SLC1A1: variants seen among roughly 807,000 people sequenced by gnomAD.
SLC1A1 encodes excitatory amino acid transporter 3.
Under a neutral mutation model 53.3 loss-of-function variants are expected in SLC1A1, and 43 were observed. The observed-to-expected ratio is 0.81, with a 90% CI of 0.63 to 1.04. The LOEUF (loss-of-function observed/expected upper bound fraction) is 1.04, where lower values mean the gene tolerates loss of function less well. Ranked by LOEUF, SLC1A1 falls within the 50% of genes least tolerant of loss-of-function variation. The pLI, the probability that SLC1A1 is intolerant of heterozygous loss-of-function variation, is 0.00. For synonymous variants in SLC1A1, 307 were observed against 243.2 expected, an observed-to-expected ratio of 1.26 and a Z score of -2.44; for missense variants, 748 against 664.9, an observed-to-expected ratio of 1.12 and a Z score of -1.37.
At chr9:4,550,464 C>T (rs965188224) in intron 2 of SLC1A1, among the ~76,000 whole-genome samples, 2 of 152,144 alleles carry the variant, frequency 1.3e-5, no homozygotes, top group African/African-American at 2.4e-5. Flanking sequence ...CAGTATAGCT[C>T]ACTGTAGTCT....
In SLC1A1 at chr9:4,576,167, G is replaced by A. The variant is rs301429; in HGVS notation, c.998+44G>A. 9.2e-3 allele frequency: 14,653 copies of A among 1,591,684 alleles called. 1,080 individuals carry two copies. The African/African-American group carries it at 0.17, about 18-fold the overall frequency. ...TCTGGAAGAAGCCTCCAGGCTCAAC[G>A]TTATCAACTCTCACCTCACTTTACA... On this transcript the variant is annotated intron_variant, in intron 9 of 11. Coordinates refer to ENST00000262352, the MANE Select transcript of SLC1A1 (RefSeq NM_004170.6).
intron 1 of SLC1A1, among the ~76,000 whole-genome samples, chr9:4,517,329 G>A (rs567223188): frequency 4.6e-5 from 7 of 152,268 alleles, no homozygotes; most frequent in African/African-American, 1.4e-4. Flanking sequence ...TGGGGTGGCC[G>A]TTCCTATAGA....
intron 1 of SLC1A1, among the ~76,000 whole-genome samples, chr9:4,514,083 C>A (rs1333664883): frequency 6.6e-6 from 1 of 152,106 alleles, no homozygotes; most frequent in African/African-American, 2.4e-5. Flanking sequence ...AGCTCTTTGG[C>A]GTGATGGAGC....
At chr9:4,545,588 T>A (rs1282474828) in intron 2 of SLC1A1, among the ~76,000 whole-genome samples, 1 of 152,238 alleles carries the variant, frequency 6.6e-6, no homozygotes, top group Non-Finnish European at 1.5e-5. Flanking sequence ...TTACCCACTT[T>A]CTACTCAAAG....
intron 1 of SLC1A1, among the ~76,000 whole-genome samples, 185 bp downstream of exon 1, chr9:4,490,955 G>A (rs1171352957): frequency 2.0e-5 from 3 of 152,210 alleles, no homozygotes; most frequent in Non-Finnish European, 4.4e-5. Flanking sequence ...TGCACACCAA[G>A]AACAAAGCTC....
chr9:4,567,630 T>G (rs574019394), intron 5 of SLC1A1, 39 bp from the exon 6 acceptor site: 32 of 1,416,384 alleles, frequency 2.3e-5, no homozygotes, highest in African/African-American at 1.4e-4. Flanking sequence ...AAAAAATTCT[T>G]TTTTTGTTTG....
chr9:4,557,023 G>T (rs778545300), intron 2 of SLC1A1, among the ~76,000 whole-genome samples: 11 of 152,256 alleles, frequency 7.2e-5, no homozygotes, highest in Middle Eastern at 3.4e-3. Flanking sequence ...GCTGCCCTGG[G>T]AACCAAACTA....
intron 4 of SLC1A1, among the ~76,000 whole-genome samples, chr9:4,565,770 G>A (rs1819427196): frequency 6.6e-6 from 1 of 152,130 alleles, no homozygotes; most frequent in Admixed American, 6.5e-5. Flanking sequence ...AGAATAAATA[G>A]TCTCTTGACT....
intron 1 of SLC1A1, among the ~76,000 whole-genome samples, chr9:4,538,091 G>C (rs555740618): frequency 3.3e-4 from 50 of 152,292 alleles, no homozygotes; most frequent in African/African-American, 1.2e-3. Context: ...TATGTGTTTA[G>C]TATATCTGAG....
At chr9:4,544,225 G>A (rs904619586) in intron 1 of SLC1A1, among the ~76,000 whole-genome samples, 1 of 152,058 alleles carries the variant, frequency 6.6e-6, no homozygotes, top group Non-Finnish European at 1.5e-5. Flanking sequence ...GAAAAAGGTG[G>A]TGTGTGAATG....
chr9:4,507,146 A>T (rs1820834883), intron 1 of SLC1A1, among the ~76,000 whole-genome samples: 1 of 152,184 alleles, frequency 6.6e-6, no homozygotes, highest in Admixed American at 6.5e-5. Flanking sequence ...AGGCAGGAGA[A>T]TGGCGTGAAC....
At chr9:4,492,408 G>C (rs1269645364) in intron 1 of SLC1A1, among the ~76,000 whole-genome samples, 1 of 147,964 alleles carries the variant, frequency 6.8e-6, no homozygotes, top group Non-Finnish European at 1.5e-5. Context: ...CTTGAACCCA[G>C]AAGGCAGAGG....
chr9:4,587,303 C>T lies in SLC1A1; in HGVS notation c.*1745C>T, dbSNP rs935943272. ...TATCTTGGGCTAAATGGTTCTACCC[C>T]TTACTAGGTTGCCCCAATTAGTGGC... is the stretch of plus-strand genomic sequence containing the variant. On this transcript the variant is annotated 3_prime_UTR_variant, in exon 12 of 12. Transcript: ENST00000262352. The T allele has an allele frequency of 6.6e-6, 1 of 152,152 alleles. No homozygotes were observed. The highest frequency in any genetic ancestry group is 1.5e-5 in the Non-Finnish European group (1 of 68,034). The allele number at this position is 152,152 out of a possible 1,614,324, so 9.4% of individuals were successfully genotyped here.
chr9:4,506,041 G>C (rs962238015), intron 1 of SLC1A1, among the ~76,000 whole-genome samples: 8 of 152,162 alleles, frequency 5.3e-5, no homozygotes, highest in Non-Finnish European at 1.0e-4. Flanking sequence ...GGCCAGGCTG[G>C]TCTTGAACTC....
rs142962194 is a variant in SLC1A1, at chr9:4,490,691, G to A, written c.12G>A (p.Pro4=). 6.2e-7 allele frequency: 1 copy of A among 1,612,686 alleles called. No individual in the cohort carries two copies. The highest frequency in any genetic ancestry group is 8.5e-7 in the Non-Finnish European group (1 of 1,178,994). ...TAGCGGCGACAGCCATGGGGAAACCGGCGAGGAAAGGATGCGAGTGGAAGC... is the reference window on the plus strand; with the variant it reads ...TAGCGGCGACAGCCATGGGGAAACCAGCGAGGAAAGGATGCGAGTGGAAGC... MGK[P]ARKGCEWKRF... Residue 4 remains proline, a synonymous_variant, in exon 1 of 12, where the codon CCG becomes CCA. Transcript: ENST00000262352.
chr9:4,503,054 C>G (rs1208830286), intron 1 of SLC1A1, among the ~76,000 whole-genome samples: 1 of 151,838 alleles, frequency 6.6e-6, no homozygotes, highest in Non-Finnish European at 1.5e-5. Flanking sequence ...TTAATTACCA[C>G]TTTTATGTTG....
chr9:4,513,771 C>A (rs1821071847), intron 1 of SLC1A1, among the ~76,000 whole-genome samples: 1 of 152,184 alleles, frequency 6.6e-6, no homozygotes. Flanking sequence ...CAGCACTCTG[C>A]ATAATCAATC....
At chr9:4,503,480 A>C (rs1329790023) in intron 1 of SLC1A1, among the ~76,000 whole-genome samples, 1 of 151,792 alleles carries the variant, frequency 6.6e-6, no homozygotes, top group Non-Finnish European at 1.5e-5. Flanking sequence ...TAAATGCTGC[A>C]AGGAGGCTGC....
At chr9:4,550,286 A>C (rs117951068) in intron 2 of SLC1A1, among the ~76,000 whole-genome samples, 3,076 of 152,320 alleles carry the variant, frequency 0.02, 46 homozygotes, top group Middle Eastern at 0.048. Context: ...AAAAACAAAA[A>C]ATGCTCCAGA....
Sources: allele counts gnomAD v4.1 joint callset (sites outside exome capture counted in the v4.1 genomes callset), GRCh38; gene constraint gnomAD v4.1.1; transcripts MANE v1.5; gene names NCBI Gene and HGNC (gene_info 2026-07-23, HGNC 2026-07-21).